Variants in WDR7 observed in about 807,000 individuals in gnomAD.
The protein encoded by WDR7 is WD repeat-containing protein 7.
Under a neutral mutation model 169.4 loss-of-function variants are expected in WDR7, and 46 were observed. That is an observed-to-expected ratio of 0.27 (90% confidence interval 0.21 to 0.35). The LOEUF (loss-of-function observed/expected upper bound fraction) is 0.35, where lower values mean the gene tolerates loss of function less well. Among genes scored for constraint, WDR7 ranks in the 10% least tolerant of loss-of-function variants. The pLI is 1.00. For synonymous variants in WDR7, 612 were observed against 666.8 expected (o/e 0.92, Z 1.27); for missense variants, 1,534 against 1,859.3 (o/e 0.83, Z 3.22).
chr18:56,838,214 T>A (rs925841148), intron 20 of WDR7, among the ~76,000 whole-genome samples: 3 of 152,232 alleles, frequency 2.0e-5, no homozygotes, highest in African/African-American at 7.2e-5. Context: ...ATTATTATTT[T>A]TTTTTTGCCT....
At chr18:57,020,938 C>G (rs2048281001) in intron 27 of WDR7, 89 bp downstream of exon 27, 1 of 1,162,364 alleles carries the variant, frequency 8.6e-7, no homozygotes, top group Non-Finnish European at 1.3e-6. Flanking sequence ...CCTGCCGGCC[C>G]TCCTTCCTGT....
chr18:56,686,445 A>G (rs1348992129), intron 6 of WDR7, among the ~76,000 whole-genome samples: 1 of 152,110 alleles, frequency 6.6e-6, no homozygotes, highest in African/African-American at 2.4e-5. Flanking sequence ...TTTTTTATCA[A>G]TGAGAAAGAT....
chr18:56,862,712 A>T (rs936135809), intron 20 of WDR7, among the ~76,000 whole-genome samples: 1 of 151,852 alleles, frequency 6.6e-6, no homozygotes, highest in Non-Finnish European at 1.5e-5. Flanking sequence ...CATCTTAAAC[A>T]TTTGCATGCA....
rs1460729893 is a variant in WDR7, at chr18:57,029,397, C to G, written c.*2190C>G. 2 of 152,224 alleles carry G rather than the reference C, an allele frequency of 1.3e-5. No individual in the cohort carries two copies. Among genetic ancestry groups the G allele is most frequent in the African/African-American group, 2.4e-5 (1 of 41,462 alleles). The allele number at this position is 152,224 out of a possible 1,614,324, so 9.4% of individuals were successfully genotyped here. The stretch of plus-strand genomic sequence containing the variant: ...TAGACGGTCATCTCTAACTACTAAA[C>G]TAATATCTGCATTCTTGTTAACATA... On this transcript the variant is annotated 3_prime_UTR_variant, in exon 28 of 28. Transcript: ENST00000254442.
intron 20 of WDR7, among the ~76,000 whole-genome samples, chr18:56,831,441 A>G (rs1193414662): frequency 6.6e-6 from 1 of 152,148 alleles, no homozygotes; most frequent in Non-Finnish European, 1.5e-5. Flanking sequence ...TGCTGGGGCA[A>G]GTCGGGGTAA....
At chr18:56,792,166 C>T (rs558021938) in intron 19 of WDR7, among the ~76,000 whole-genome samples, 5 of 152,174 alleles carry the variant, frequency 3.3e-5, no homozygotes, top group South Asian at 4.1e-4. Context: ...CACAGGTGCA[C>T]GCCACCATGT....
At chr18:56,657,307 G>T (rs193101338) in intron 1 of WDR7, among the ~76,000 whole-genome samples, 1 of 151,822 alleles carries the variant, frequency 6.6e-6, no homozygotes, top group Non-Finnish European at 1.5e-5. Flanking sequence ...ACAGGTGCCC[G>T]CCAGGACACC....
chr18:56,871,623 A>G (rs2045954927), intron 20 of WDR7, among the ~76,000 whole-genome samples: 1 of 152,116 alleles, frequency 6.6e-6, no homozygotes, highest in African/African-American at 2.4e-5. Flanking sequence ...TCATGAACCA[A>G]TAGACATTTC....
At chr18:56,954,638 G>A (rs111559671) in intron 25 of WDR7, among the ~76,000 whole-genome samples, 37 of 152,114 alleles carry the variant, frequency 2.4e-4, no homozygotes, top group African/African-American at 7.0e-4. Flanking sequence ...AAAGAGTTAC[G>A]TTCACTTCTT....
At chr18:56,761,327 G>C (rs1315926827) in intron 16 of WDR7, among the ~76,000 whole-genome samples, 1 of 152,198 alleles carries the variant, frequency 6.6e-6, no homozygotes, top group Non-Finnish European at 1.5e-5. Context: ...TTTCTTTATA[G>C]ATGATAGTAT....
chr18:56,769,549 G>A (rs952483574), intron 16 of WDR7, among the ~76,000 whole-genome samples: 11 of 152,114 alleles, frequency 7.2e-5, no homozygotes, highest in Admixed American at 2.0e-4. Flanking sequence ...ATCTCATGAC[G>A]TAAGTCTCTG....
intron 22 of WDR7, among the ~76,000 whole-genome samples, chr18:56,927,243 G>A (rs749627092): frequency 3.0e-4 from 45 of 152,180 alleles, no homozygotes; most frequent in Non-Finnish European, 5.1e-4. Context: ...TCTCCCCCAT[G>A]TCCCGACATC....
At chr18:56,980,570 TAAAG>T (rs774817182) in intron 26 of WDR7, among the ~76,000 whole-genome samples, 16 of 151,914 alleles carry the variant, frequency 1.1e-4, no homozygotes, top group Middle Eastern at 6.8e-3. Context: ...AGCAAATAAT[TAAAG>T]AAACACATTA....
rs73436769 is a variant in WDR7, at chr18:56,891,303, C to T, written c.3526+11138C>T. 8.3e-3 allele frequency among the ~76,000 whole-genome samples: 1,266 copies of T among 152,094 alleles called. 18 individuals are homozygous for T. The highest frequency in any genetic ancestry group is 0.029 in the African/African-American group (1,213 of 41,486). Reference sequence around the variant, plus strand: ...TTATTTGGGAACCAGAGCTTGGTTTCGAATCTTGGTATCACCACATCACAG... The same window carrying T: ...TTATTTGGGAACCAGAGCTTGGTTTTGAATCTTGGTATCACCACATCACAG... On this transcript the variant is annotated intron_variant, in intron 21 of 27. Coordinates refer to ENST00000254442, the MANE Select transcript of WDR7 (RefSeq NM_015285.3).
chr18:56,706,442 T>G (rs2025956833), intron 12 of WDR7, among the ~76,000 whole-genome samples: 1 of 152,190 alleles, frequency 6.6e-6, no homozygotes, highest in Admixed American at 6.5e-5. Flanking sequence ...GTGTCACCCA[T>G]CTTGGAGTGG....
chr18:57,032,009 T>A (rs888397298), downstream of WDR7: 2 of 152,240 alleles, frequency 1.3e-5, no homozygotes, highest in South Asian at 4.1e-4. Flanking sequence ...GAACATCCTA[T>A]CCAAAGGAGG....
At position 56,691,351 on chromosome 18, in the gene WDR7, C is replaced by T. The variant is rs1319223971; in HGVS notation, c.853C>T (p.Leu285=). The T allele has an allele frequency of 6.3e-7, 1 of 1,590,534 alleles. No individual in the cohort carries two copies. Among genetic ancestry groups the T allele is most frequent in the Admixed American group, 2.0e-5 (1 of 51,256 alleles). The part of the protein sequence containing the change: ...TENGQSYIYK[L]PASCLPASDS... ...AAATGGGCAAAGTTATATTTACAAA[C>T]TACCTGCCAGGTATGCAGCAAGTAA... is the stretch of plus-strand genomic sequence containing the variant. The change falls in exon 8 of 28, where the codon CTA becomes TTA. Residue 285 remains leucine, a synonymous_variant. Coordinates refer to ENST00000254442, the MANE Select transcript of WDR7 (RefSeq NM_015285.3).
chr18:56,694,837 T>A, intron 10 of WDR7, 77 bp downstream of exon 10: 1 of 1,530,004 alleles, frequency 6.5e-7, no homozygotes, highest in South Asian at 1.3e-5. Context: ...ACATTCATAA[T>A]GTACATATAT....
chr18:56,933,670 C>T (rs1422966196), intron 22 of WDR7, among the ~76,000 whole-genome samples: 3 of 152,228 alleles, frequency 2.0e-5, no homozygotes, highest in Non-Finnish European at 4.4e-5. Context: ...ACAGTATGGT[C>T]ACTCCTCTCC....
Sources: gnomAD v4.1 joint callset for allele counts (sites outside exome capture counted in the v4.1 genomes callset) on GRCh38, gnomAD v4.1.1 for gene constraint, MANE v1.5 for transcripts, NCBI Gene and HGNC (gene_info 2026-07-23, HGNC 2026-07-21) for gene names.